Variants in LHFPL3 observed in about 807,000 individuals in gnomAD.
The protein encoded by LHFPL3 is LHFPL tetraspan subfamily member 3.
Under a neutral mutation model 19.3 loss-of-function variants are expected in LHFPL3, and 5 were observed. The observed-to-expected ratio is 0.26, with a 90% confidence interval of 0.14 to 0.54. The LOEUF is 0.54. Ranked by LOEUF, LHFPL3 falls within the 20% of genes least tolerant of loss-of-function variation. LHFPL3 has a pLI of 0.94. For missense variants in LHFPL3, 249 were observed against 307.4 expected (o/e 0.81, Z 1.42); for synonymous variants, 133 against 126.2 (o/e 1.05, Z -0.36).
At chr7:104,355,749 A>T (rs772419921) in intron 1 of LHFPL3, among the ~76,000 whole-genome samples, 1 of 152,208 alleles carries the variant, frequency 6.6e-6, no homozygotes. Context: ...TAAGTGTCGC[A>T]TGTTTAAAAA....
intron 1 of LHFPL3, among the ~76,000 whole-genome samples, chr7:104,414,006 A>G (rs1791576835): frequency 6.6e-6 from 1 of 152,148 alleles, no homozygotes; most frequent in Non-Finnish European, 1.5e-5. Context: ...CAGGGTTTTT[A>G]AAAGTATAAT....
At chr7:104,630,556 G>A (rs1248516313) in intron 1 of LHFPL3, among the ~76,000 whole-genome samples, 1 of 152,158 alleles carries the variant, frequency 6.6e-6, no homozygotes, top group Non-Finnish European at 1.5e-5. Flanking sequence ...ACAGGAGTTG[G>A]ATTTAATAAC....
intron 2 of LHFPL3, among the ~76,000 whole-genome samples, chr7:104,828,239 T>C (rs1360125520): frequency 6.6e-6 from 1 of 151,918 alleles, no homozygotes; most frequent in Non-Finnish European, 1.5e-5. Flanking sequence ...TTGAAAGACA[T>C]AGTCAACTTT....
chr7:104,518,835 A>ATAGATAGT (rs1182937499), intron 1 of LHFPL3, among the ~76,000 whole-genome samples: 5 of 145,160 alleles, frequency 3.4e-5, no homozygotes, highest in Admixed American at 2.7e-4. Flanking sequence ...AGATAGATAG[A>ATAGATAGT]TAGATAGATA....
intron 1 of LHFPL3, among the ~76,000 whole-genome samples, chr7:104,630,108 CT>C (rs1466982903): frequency 2.6e-5 from 4 of 152,094 alleles, no homozygotes; most frequent in African/African-American, 9.7e-5. Context: ...AGAGAAAGTC[CT>C]TGCTTTTGAG....
rs556056006 is a variant in LHFPL3 at position 104,462,196 on chromosome 7, A to T, written c.445+132972A>T. On this transcript the variant is annotated intron_variant, in intron 1 of 2. Transcript: ENST00000424859. ...AATCATGTCATCTGCAAACAGGGAA[A>T]ATTTGACTTCCGCTCTTCCTATGTG... 5.9e-5 allele frequency among the ~76,000 whole-genome samples: 9 copies of T among 152,036 alleles called. No individual in the cohort carries two copies. In the East Asian group the frequency reaches 1.7e-3, roughly 29 times the overall value.
intron 1 of LHFPL3, among the ~76,000 whole-genome samples, chr7:104,519,835 G>T (rs957548745): frequency 1.3e-5 from 2 of 152,034 alleles, no homozygotes; most frequent in African/African-American, 4.8e-5. Context: ...CATATTGGGG[G>T]TTGGTCAGGA....
chr7:104,695,799 G>C (rs1562967544), intron 1 of LHFPL3, among the ~76,000 whole-genome samples: 1 of 152,280 alleles, frequency 6.6e-6, no homozygotes, highest in East Asian at 1.9e-4. Flanking sequence ...CAGAAGGCCT[G>C]GAAATTGTAA....
chr7:104,335,510 C>A (rs1346241805), intron 1 of LHFPL3, among the ~76,000 whole-genome samples: 2 of 152,064 alleles, frequency 1.3e-5, no homozygotes, highest in African/African-American at 4.8e-5. Context: ...GATGTCAAAA[C>A]AAACAGTTTT....
chr7:104,430,401 T>C (rs868322112), intron 1 of LHFPL3, among the ~76,000 whole-genome samples: 3 of 44,250 alleles, frequency 6.8e-5, no homozygotes, highest in African/African-American at 1.7e-4. Flanking sequence ...TATATATATA[T>C]ATACATATAT....
intron 1 of LHFPL3, among the ~76,000 whole-genome samples, chr7:104,348,456 T>C (rs962166985): frequency 5.9e-5 from 9 of 152,250 alleles, no homozygotes; most frequent in Admixed American, 1.3e-4. Flanking sequence ...TTGTTTATGT[T>C]TTAACATCTT....
chr7:104,398,610 A>G lies in LHFPL3; in HGVS notation c.445+69386A>G, dbSNP rs555013050. On this transcript the variant is annotated intron_variant, in intron 1 of 2. Coordinates refer to ENST00000424859, the MANE Select transcript of LHFPL3 (RefSeq NM_199000.3). ...TTCTCACATCCATCCTACATTTCTT[A>G]TCCTATTTTTCAAAAGAAAAAACTG... 3.4e-4 allele frequency among the ~76,000 whole-genome samples: 52 copies of G among 152,290 alleles called. 1 individual carries two copies. The South Asian group carries it at 0.011, about 32-fold the overall frequency.
rs145198975 is a variant in LHFPL3, at chr7:104,527,523, A to G, written c.445+198299A>G. 1.3e-3 allele frequency among the ~76,000 whole-genome samples: 199 copies of G among 152,316 alleles called. 1 individual carries two copies. The East Asian group carries it at 0.022, about 17-fold the overall frequency. On this transcript the variant is annotated intron_variant, in intron 1 of 2. Coordinates refer to ENST00000424859, the MANE Select transcript of LHFPL3 (RefSeq NM_199000.3). Reference sequence around the variant, plus strand: ...TTTCTGCAAGAAGAGGGGAGGAACTAGTGTTAAGAATCCCCAGAAATAGGA... The same window carrying G: ...TTTCTGCAAGAAGAGGGGAGGAACTGGTGTTAAGAATCCCCAGAAATAGGA...
At chr7:104,476,601 C>G (rs1361815793) in intron 1 of LHFPL3, among the ~76,000 whole-genome samples, 1 of 152,100 alleles carries the variant, frequency 6.6e-6, no homozygotes, top group Non-Finnish European at 1.5e-5. Flanking sequence ...GCTGGGATTA[C>G]AGGCATGTGC....
chr7:104,470,121 GAGA>G (rs1207607545), intron 1 of LHFPL3: 1 of 454,812 alleles, frequency 2.2e-6, no homozygotes, highest in Admixed American at 2.4e-5. Flanking sequence ...ACAGTGAGAG[GAGA>G]AGAAGAACAT....
At position 104,610,131 on chromosome 7, in the gene LHFPL3, A is replaced by G. The variant is rs1192815995; in HGVS notation, c.446-126544A>G. Among the ~76,000 whole-genome samples, 3 of 152,306 alleles carry G rather than the reference A, an allele frequency of 2.0e-5. No individual in the cohort carries two copies. In the East Asian group the frequency reaches 5.8e-4, roughly 29 times the overall value. On this transcript the variant is annotated intron_variant, in intron 1 of 2. Coordinates refer to ENST00000424859, the MANE Select transcript of LHFPL3 (RefSeq NM_199000.3). ...TGTAGCTATTTTTCTGTAACTAGCAATCCAATACAATAAGTCAAAACTTTG... is the reference window on the plus strand; with the variant it reads ...TGTAGCTATTTTTCTGTAACTAGCAGTCCAATACAATAAGTCAAAACTTTG...
intron 2 of LHFPL3, among the ~76,000 whole-genome samples, chr7:104,749,067 G>C (rs1016150954): frequency 1.3e-5 from 2 of 152,238 alleles, no homozygotes; most frequent in African/African-American, 4.8e-5. Flanking sequence ...GGAATGCCTA[G>C]AGTTGGCCGA....
chr7:104,354,783 T>C (rs1033161762), intron 1 of LHFPL3, among the ~76,000 whole-genome samples: 2 of 152,150 alleles, frequency 1.3e-5, no homozygotes, highest in African/African-American at 4.8e-5. Flanking sequence ...CATATGTAAT[T>C]GCACAATTTC....
intron 1 of LHFPL3, among the ~76,000 whole-genome samples, chr7:104,693,529 G>T (rs758502572): frequency 6.6e-6 from 1 of 152,074 alleles, no homozygotes. Flanking sequence ...ATGATAGTGC[G>T]TGAGTCCTCA....
Sources: allele counts gnomAD v4.1 joint callset (sites outside exome capture counted in the v4.1 genomes callset), GRCh38; gene constraint gnomAD v4.1.1; transcripts MANE v1.5; gene names NCBI Gene and HGNC (gene_info 2026-07-23, HGNC 2026-07-21).